The following SLC14A2 variants were observed in gnomAD, a reference collection of about 807,000 sequenced individuals.
SLC14A2 encodes urea transporter 2.
A neutral mutation model predicts 104.6 loss-of-function variants in SLC14A2; 91 were observed. The observed-to-expected ratio is 0.87, with a 90% CI of 0.73 to 1.04. SLC14A2 has a LOEUF of 1.04. Ranked by LOEUF, SLC14A2 falls within the 50% of genes least tolerant of loss-of-function variation. SLC14A2 has a pLI of 0.00. For synonymous variants in SLC14A2, 476 were observed against 466.4 expected, an observed-to-expected ratio of 1.02 and a Z score of -0.27; for missense variants, 1,189 against 1,156.0, an observed-to-expected ratio of 1.03 and a Z score of -0.41.
intron 1 of SLC14A2, among the ~76,000 whole-genome samples, chr18:45,228,743 G>T (rs913920220): frequency 2.6e-5 from 4 of 152,094 alleles, no homozygotes; most frequent in African/African-American, 9.7e-5. Context: ...ATCATATCCT[G>T]ATGTAAAATG....
At chr18:45,508,323 C>T (rs751160209) in intron 2 of SLC14A2, among the ~76,000 whole-genome samples, 6 of 152,184 alleles carry the variant, frequency 3.9e-5, no homozygotes, top group East Asian at 1.9e-4. Flanking sequence ...TGTTGTGGGA[C>T]GGAACCCAGT....
intron 1 of SLC14A2, among the ~76,000 whole-genome samples, chr18:45,402,022 C>T (rs1393801526): frequency 6.6e-6 from 1 of 152,160 alleles, no homozygotes; most frequent in Non-Finnish European, 1.5e-5. Context: ...TTAAGAGTTG[C>T]TTTGTAAAAT....
the SLC14A2 span, among the ~76,000 whole-genome samples, chr18:45,200,180 G>T: frequency 6.6e-6 from 1 of 151,976 alleles, no homozygotes. Context: ...GATTATACAT[G>T]AACTTTTCTC....
intron 1 of SLC14A2, among the ~76,000 whole-genome samples, chr18:45,245,983 C>A (rs2084364297): frequency 6.6e-6 from 1 of 150,786 alleles, no homozygotes; most frequent in Non-Finnish European, 1.5e-5. Context: ...TGTGTAGATT[C>A]TTATTGAATG....
chr18:45,405,422 C>A (rs925899075), intron 1 of SLC14A2, among the ~76,000 whole-genome samples: 3 of 152,184 alleles, frequency 2.0e-5, no homozygotes, highest in East Asian at 3.9e-4. Flanking sequence ...AACAGAGGAA[C>A]CAAAATTGTT....
In SLC14A2 at chr18:45,483,749, T is replaced by G. The variant is rs183954688; in HGVS notation, c.-35+427T>G. Among the ~76,000 whole-genome samples, 11 of 152,258 alleles carry G rather than the reference T, an allele frequency of 7.2e-5. No homozygotes were observed. The East Asian group carries it at 2.1e-3, about 29-fold the overall frequency. On this transcript the variant is annotated intron_variant, in intron 2 of 20. Coordinates refer to the SLC14A2 transcript ENST00000586448. Reference sequence around the variant, plus strand: ...AGGCCTGAGTTGGGGTGCCACTGATTTGGGGTTGGAATGATTTCCTAGCAA... The same window carrying G: ...AGGCCTGAGTTGGGGTGCCACTGATGTGGGGTTGGAATGATTTCCTAGCAA...
intron 2 of SLC14A2, among the ~76,000 whole-genome samples, chr18:45,592,887 T>C (rs1366022701): frequency 6.6e-6 from 1 of 152,228 alleles, no homozygotes; most frequent in African/African-American, 2.4e-5. Context: ...AAGCTATTCC[T>C]CTGAATGACT....
chr18:45,660,197 C>T (rs1241867536), intron 10 of SLC14A2, among the ~76,000 whole-genome samples: 1 of 152,198 alleles, frequency 6.6e-6, no homozygotes, highest in Middle Eastern at 3.4e-3. Context: ...CTACAGTATA[C>T]CACATTCATG....
At chr18:45,679,754 G>T (rs1485297231) in intron 19 of SLC14A2, among the ~76,000 whole-genome samples, 1 of 152,196 alleles carries the variant, frequency 6.6e-6, no homozygotes, top group African/African-American at 2.4e-5. Flanking sequence ...GGGTGGCTTG[G>T]ACTTAGCATA....
chr18:45,207,322 AAG>A, the SLC14A2 span, among the ~76,000 whole-genome samples: 1 of 148,068 alleles, frequency 6.8e-6, no homozygotes, highest in Non-Finnish European at 1.5e-5. Flanking sequence ...GGAAGGGAAA[AAG>A]GGGGAAGAAA....
At chr18:45,348,237 T>C (rs1039724537) in intron 1 of SLC14A2, among the ~76,000 whole-genome samples, 3 of 152,210 alleles carry the variant, frequency 2.0e-5, no homozygotes, top group Non-Finnish European at 4.4e-5. Flanking sequence ...TTGTGAGATG[T>C]TTATGGAAAG....
At chr18:45,409,190 C>T (rs2086188024) in intron 1 of SLC14A2, among the ~76,000 whole-genome samples, 1 of 152,198 alleles carries the variant, frequency 6.6e-6, no homozygotes, top group African/African-American at 2.4e-5. Context: ...GCATCTGAGT[C>T]TCCAGGTTCT....
At chr18:45,204,334 C>T in the SLC14A2 span, among the ~76,000 whole-genome samples, 6 of 152,104 alleles carry the variant, frequency 3.9e-5, no homozygotes, top group Admixed American at 1.3e-4. Flanking sequence ...ACTGAATGGC[C>T]GTTAAATGGA....
intron 2 of SLC14A2, among the ~76,000 whole-genome samples, chr18:45,573,702 C>CCCT (rs556738717): frequency 5.7e-4 from 87 of 152,332 alleles, no homozygotes; most frequent in South Asian, 8.3e-4. Context: ...ATCAATTGAT[C>CCCT]CCTCCATCAA....
At chr18:45,639,163 A>AC (rs1369153112) in intron 6 of SLC14A2, among the ~76,000 whole-genome samples, 1 of 151,730 alleles carries the variant, frequency 6.6e-6, no homozygotes, top group African/African-American at 2.4e-5. Flanking sequence ...AAGGCTCACA[A>AC]CCCCCCAGGG....
intron 1 of SLC14A2, among the ~76,000 whole-genome samples, chr18:45,258,001 A>G (rs1327339421): frequency 2.0e-5 from 3 of 152,200 alleles, no homozygotes. Context: ...AGTAGTCACA[A>G]CTGTCATGAG....
In SLC14A2 at chr18:45,414,785, T is replaced by A. The variant is rs1471022944; in HGVS notation, c.-124-68448T>A. On this transcript the variant is annotated intron_variant, in intron 1 of 20. Coordinates refer to the SLC14A2 transcript ENST00000586448. ...ATATATATATATATATATATATATATATATATATATAGAAAAGTACAGTTC... is the reference window on the plus strand; with the variant it reads ...ATATATATATATATATATATATATAAATATATATATAGAAAAGTACAGTTC... 5.4e-4 allele frequency among the ~76,000 whole-genome samples: 55 copies of A among 101,480 alleles called. 2 individuals carry two copies. The highest frequency in any genetic ancestry group is 1.9e-3 in the Admixed American group (18 of 9,422). 66.6% of individuals were successfully genotyped at this position (101,480 alleles called of 152,430 possible). A position where few individuals can be genotyped will look rare whatever the true frequency, so the allele number is the denominator to read the frequency against.
At chr18:45,308,154 C>T (rs941278200) in intron 1 of SLC14A2, among the ~76,000 whole-genome samples, 3 of 152,270 alleles carry the variant, frequency 2.0e-5, no homozygotes, top group East Asian at 3.9e-4. Context: ...CCGGTATGTC[C>T]CACCTCTAAC....
At chr18:45,621,215 G>A (rs2045162545) in intron 1 of SLC14A2, among the ~76,000 whole-genome samples, 1 of 152,222 alleles carries the variant, frequency 6.6e-6, no homozygotes, top group South Asian at 2.1e-4. Context: ...GGATTTCACT[G>A]TCTCCTAAAC....
Sources: gnomAD v4.1 joint callset for allele counts (sites outside exome capture counted in the v4.1 genomes callset) on GRCh38, gnomAD v4.1.1 for gene constraint, MANE v1.5 for transcripts, NCBI Gene and HGNC (gene_info 2026-07-23, HGNC 2026-07-21) for gene names.